PCDH15: variants seen among roughly 807,000 people sequenced by gnomAD.
PCDH15 encodes protocadherin-15.
A neutral mutation model predicts 178.5 loss-of-function variants in PCDH15; 129 were observed. The ratio of observed to expected loss-of-function variants is 0.72; its 90% CI spans 0.63 to 0.84. The LOEUF is 0.84. Ranked by LOEUF, PCDH15 falls within the 40% of genes least tolerant of loss-of-function variation. PCDH15 has a pLI of 0.00. For synonymous variants in PCDH15, 800 were observed against 732.0 expected, an observed-to-expected ratio of 1.09 and a Z score of -1.50; for missense variants, 2,230 against 2,099.9, an observed-to-expected ratio of 1.06 and a Z score of -1.21.
At chr10:53,928,617 G>A (rs1011820188) in intron 25 of PCDH15, among the ~76,000 whole-genome samples, 7 of 151,966 alleles carry the variant, frequency 4.6e-5, no homozygotes, top group African/African-American at 1.7e-4. Flanking sequence ...TGTAACATAA[G>A]TGACTTAATA....
Position 54,954,230 on chromosome 10 carries a change from G to T in PCDH15, c.-79-56730C>A, listed in dbSNP as rs533393830. ...ATCTCTTGTCTCCTAAATTATTTTAGCTTAACTTATCAGTTTCACTCAGGC... is the reference window on the plus strand; with the variant it reads ...ATCTCTTGTCTCCTAAATTATTTTATCTTAACTTATCAGTTTCACTCAGGC... On this transcript the variant is annotated intron_variant, in intron 2 of 5. Coordinates refer to the PCDH15 transcript ENST00000458638. Among the ~76,000 whole-genome samples, 26 of 151,244 alleles carry T rather than the reference G, an allele frequency of 1.7e-4. No individual in the cohort carries two copies. The South Asian group carries it at 5.4e-3, about 31-fold the overall frequency.
chr10:55,386,548 C>G (rs1208927385), intron 2 of PCDH15, among the ~76,000 whole-genome samples: 2 of 151,916 alleles, frequency 1.3e-5, no homozygotes, highest in Non-Finnish European at 2.9e-5. Flanking sequence ...AACATAGATC[C>G]AATGATATAC....
At position 53,805,726 on chromosome 10, in the gene PCDH15, G is replaced by A. The variant is rs936513265; in HGVS notation, c.*853C>T. The A allele has an allele frequency of 6.6e-6, 1 of 151,998 alleles. No homozygotes were observed. The highest frequency in any genetic ancestry group is 2.4e-5 in the African/African-American group (1 of 41,412). The allele number at this position is 151,998 out of a possible 1,614,324, so 9.4% of individuals were successfully genotyped here. A position where few individuals can be genotyped will look rare whatever the true frequency, so the allele number is the denominator to read the frequency against. On this transcript the variant is annotated 3_prime_UTR_variant, in exon 38 of 38. Coordinates refer to ENST00000644397, the MANE Select transcript of PCDH15 (RefSeq NM_001384140.1). ...TGTGAGACTTCCCTAACCTCACCAT[G>A]TCTTCCATTATGAAATTGTCGTTCT...
At chr10:55,455,939 G>C (rs1236619137) in intron 2 of PCDH15, among the ~76,000 whole-genome samples, 4 of 152,044 alleles carry the variant, frequency 2.6e-5, no homozygotes, top group African/African-American at 4.8e-5. Flanking sequence ...GAGTTCCTAC[G>C]TAATGAACTA....
chr10:54,084,095 T>A (rs28635614), intron 16 of PCDH15, among the ~76,000 whole-genome samples: 2 of 144,532 alleles, frequency 1.4e-5, no homozygotes, highest in African/African-American at 2.5e-5. Flanking sequence ...TTTTTTTTTT[T>A]ATTTTTTTGA....
At chr10:54,527,286 GCC>G (rs2083448702) in intron 3 of PCDH15, among the ~76,000 whole-genome samples, 1 of 152,058 alleles carries the variant, frequency 6.6e-6, no homozygotes. Context: ...ACTTCAGAAG[GCC>G]CAAGTGAAAA....
chr10:54,819,615 A>G (rs1042300386), intron 3 of PCDH15, among the ~76,000 whole-genome samples: 9 of 151,990 alleles, frequency 5.9e-5, no homozygotes, highest in African/African-American at 2.2e-4. Flanking sequence ...TATTATTTTC[A>G]CGAATGTTTC....
chr10:55,431,900 A>G (rs1325685559), intron 2 of PCDH15, among the ~76,000 whole-genome samples: 1 of 152,184 alleles, frequency 6.6e-6, no homozygotes, highest in East Asian at 1.9e-4. Context: ...CCATTATTCT[A>G]TGTGTGAAGG....
chr10:53,890,011 C>T (rs572358247), intron 26 of PCDH15, among the ~76,000 whole-genome samples: 4 of 152,338 alleles, frequency 2.6e-5, no homozygotes, highest in Admixed American at 2.6e-4. Context: ...TTGACCTGGG[C>T]ACTGGTTACA....
chr10:55,163,606 A>G (rs1804291679), intron 2 of PCDH15, among the ~76,000 whole-genome samples: 1 of 152,174 alleles, frequency 6.6e-6, no homozygotes, highest in African/African-American at 2.4e-5. Flanking sequence ...CTGTTAAAAC[A>G]GATTACGGTA....
rs1026486625 is a variant in PCDH15 at position 54,040,378 on chromosome 10, C to T, written c.2221-17181G>A. ...TATAAGAGGTTTCCCCTTTGCTTGG[C>T]TCTCATTCTCTCTTGCCTGCTGCCA... On this transcript the variant is annotated intron_variant, in intron 18 of 37. Coordinates refer to ENST00000644397, the MANE Select transcript of PCDH15 (RefSeq NM_001384140.1). Among the ~76,000 whole-genome samples, 4 of 152,048 alleles carry T rather than the reference C, an allele frequency of 2.6e-5. No individual in the cohort carries two copies. The South Asian group carries it at 8.3e-4, about 32-fold the overall frequency.
chr10:54,820,705 T>A (rs1953023723), intron 3 of PCDH15, among the ~76,000 whole-genome samples: 1 of 152,052 alleles, frequency 6.6e-6, no homozygotes, highest in Non-Finnish European at 1.5e-5. Context: ...TATAGTTTGC[T>A]AAATCTGACA....
intron 1 of PCDH15, among the ~76,000 whole-genome samples, chr10:54,678,695 C>A (rs1021069290): frequency 2.2e-4 from 33 of 152,056 alleles, no homozygotes; most frequent in Admixed American, 7.9e-4. Context: ...CCTTCAAGAT[C>A]ATCATTTATG....
intron 2 of PCDH15, among the ~76,000 whole-genome samples, chr10:55,018,773 C>A (rs1840249644): frequency 6.6e-6 from 1 of 152,012 alleles, no homozygotes; most frequent in African/African-American, 2.4e-5. Context: ...TTTTGTTTTT[C>A]AAGAGCAGCT....
chr10:53,874,429 A>G (rs867688910), intron 26 of PCDH15, among the ~76,000 whole-genome samples: 3 of 152,206 alleles, frequency 2.0e-5, no homozygotes, highest in Admixed American at 6.5e-5. Context: ...CCCTCATTTT[A>G]GTTTGCAGCC....
intron 2 of PCDH15, among the ~76,000 whole-genome samples, chr10:55,532,417 T>C (rs1393264269): frequency 1.3e-5 from 2 of 152,062 alleles, no homozygotes; most frequent in Non-Finnish European, 2.9e-5. Context: ...TCCAACCTCA[T>C]GCAGTTTATT....
intron 2 of PCDH15, among the ~76,000 whole-genome samples, chr10:54,566,305 C>T (rs1021964670): frequency 6.6e-6 from 1 of 152,166 alleles, no homozygotes; most frequent in Admixed American, 6.6e-5. Flanking sequence ...CAACGTGGTA[C>T]ACTTGTTACA....
chr10:55,178,864 C>G (rs901340168), intron 1 of PCDH15, among the ~76,000 whole-genome samples: 3 of 152,098 alleles, frequency 2.0e-5, no homozygotes, highest in African/African-American at 7.2e-5. Flanking sequence ...ATTATCTACT[C>G]CCCTAAACAG....
intron 26 of PCDH15, among the ~76,000 whole-genome samples, chr10:53,884,621 C>G (rs2080962437): frequency 6.6e-6 from 1 of 152,132 alleles, no homozygotes; most frequent in Non-Finnish European, 1.5e-5. Context: ...TCTAATATTT[C>G]TCACATTTTT....
Sources: allele counts gnomAD v4.1 joint callset (sites outside exome capture counted in the v4.1 genomes callset), GRCh38; gene constraint gnomAD v4.1.1; transcripts MANE v1.5; gene names NCBI Gene and HGNC (gene_info 2026-07-23, HGNC 2026-07-21).